Variants in CSMD2 observed in about 807,000 individuals in gnomAD.
CSMD2 encodes CUB and Sushi multiple domains 2.
In CSMD2, 130 loss-of-function variants were observed where a neutral mutation model predicts 398.5. That is an observed-to-expected ratio of 0.33 (90% CI 0.28 to 0.38). The LOEUF (loss-of-function observed/expected upper bound fraction) is 0.38, where lower values mean the gene tolerates loss of function less well. CSMD2 is among the 10% of genes least tolerant of loss of function. The pLI is 1.00. For missense variants in CSMD2, 3,829 were observed against 4,764.9 expected (o/e 0.80, Z 5.78); for synonymous variants, 1,828 against 1,908.5 (o/e 0.96, Z 1.10).
chr1:33,624,856 C>T lies in CSMD2; in HGVS notation c.5500+195G>A, dbSNP rs373520609. On this transcript the variant is annotated intron_variant, in intron 34 of 70. Coordinates refer to ENST00000373381, the MANE Select transcript of CSMD2 (RefSeq NM_001281956.2). The surrounding 1 kb of genome is among the most constrained non-coding windows in gnomAD (Gnocchi z 4.7). ...GCTCCTCTCTCCACGTGTGCCCCGT[C>T]CCCAGTACACCGGCTGTCTTCACAC... 3.3e-5 allele frequency among the ~76,000 whole-genome samples: 5 copies of T among 152,314 alleles called. No homozygotes were observed. The highest frequency in any genetic ancestry group is 7.2e-5 in the African/African-American group (3 of 41,572).
chr1:33,921,972 G>A lies in CSMD2; in HGVS notation c.713-3671C>T, dbSNP rs545660690. ...AGGGAGGAAAGAGAAGCAGCAGGAAGGGATTTAGGAGGCAGACTGTGGAGG... is the reference window on the plus strand; with the variant it reads ...AGGGAGGAAAGAGAAGCAGCAGGAAAGGATTTAGGAGGCAGACTGTGGAGG... On this transcript the variant is annotated intron_variant, in intron 4 of 70. Transcript: ENST00000373381. 3.9e-5 allele frequency among the ~76,000 whole-genome samples: 6 copies of A among 152,288 alleles called. No individual in the cohort carries two copies. The South Asian group carries it at 1.2e-3, about 32-fold the overall frequency.
chr1:33,764,556 C>T (rs923780080), intron 13 of CSMD2, among the ~76,000 whole-genome samples: 1 of 152,158 alleles, frequency 6.6e-6, no homozygotes, highest in African/African-American at 2.4e-5. Flanking sequence ...CCTAAGTTCC[C>T]TGTTTATTTT....
At chr1:33,628,271 A>G (rs1642248166) in intron 32 of CSMD2, among the ~76,000 whole-genome samples, 1 of 152,222 alleles carries the variant, frequency 6.6e-6, no homozygotes, top group South Asian at 2.1e-4. Flanking sequence ...TAAAGAGATT[A>G]AAATAACGAG....
intron 27 of CSMD2, among the ~76,000 whole-genome samples, 160 bp downstream of exon 27, chr1:33,657,786 A>G (rs561405296): frequency 6.6e-6 from 1 of 152,346 alleles, no homozygotes; most frequent in Non-Finnish European, 1.5e-5. Context: ...GTGTGGGGAC[A>G]CATGCATGCA....
intron 2 of CSMD2, among the ~76,000 whole-genome samples, chr1:34,083,661 A>G (rs1052403889): frequency 1.3e-5 from 2 of 152,224 alleles, no homozygotes; most frequent in Admixed American, 6.5e-5. Context: ...CATATCTGTA[A>G]TCCTAGCACT....
intron 25 of CSMD2, among the ~76,000 whole-genome samples, chr1:33,664,668 T>C (rs1248681199): frequency 6.6e-6 from 1 of 151,880 alleles, no homozygotes; most frequent in Admixed American, 6.6e-5. Flanking sequence ...CCGGGCGAGG[T>C]GGCGGGCGCC....
chr1:33,763,658 G>C (rs1256494134), intron 13 of CSMD2, among the ~76,000 whole-genome samples: 2 of 152,162 alleles, frequency 1.3e-5, no homozygotes, highest in Non-Finnish European at 2.9e-5. Flanking sequence ...CATCCCTTCA[G>C]TCTGCCTGAT....
intron 5 of CSMD2, among the ~76,000 whole-genome samples, chr1:33,850,818 A>G (rs10158780): frequency 0.83 from 125,534 of 151,916 alleles, 52,451 homozygotes; most frequent in African/African-American, 0.95. Flanking sequence ...CTGGCTTGGG[A>G]AGAATTAAAA....
At chr1:34,099,409 T>A (rs1172371821) in intron 1 of CSMD2, among the ~76,000 whole-genome samples, 1 of 148,662 alleles carries the variant, frequency 6.7e-6, no homozygotes, top group Non-Finnish European at 1.5e-5. Context: ...AGGGGCCACA[T>A]CTTAAGGGCC....
chr1:33,832,265 A>C (rs1340102761), intron 6 of CSMD2, among the ~76,000 whole-genome samples: 1 of 152,030 alleles, frequency 6.6e-6, no homozygotes, highest in East Asian at 1.9e-4. Context: ...GTTGGAAGTA[A>C]AGCACTCCTC....
At chr1:33,599,898 A>T (rs1640096469) in intron 44 of CSMD2, 2 of 474,892 alleles carry the variant, frequency 4.2e-6, no homozygotes, top group African/African-American at 3.9e-5. Flanking sequence ...CGCATGATGT[A>T]ATAACACTGT....
intron 5 of CSMD2, among the ~76,000 whole-genome samples, chr1:33,896,610 G>A (rs994288418): frequency 6.6e-6 from 1 of 152,130 alleles, no homozygotes; most frequent in African/African-American, 2.4e-5. Context: ...TGGAGCAACA[G>A]GGCTTTCAGG....
chr1:33,642,772 T>C (rs1643187028), intron 29 of CSMD2, among the ~76,000 whole-genome samples: 1 of 152,226 alleles, frequency 6.6e-6, no homozygotes, highest in Non-Finnish European at 1.5e-5. Context: ...GGTTTCTGTT[T>C]CTTGTGTTTT....
At chr1:33,813,156 A>T (rs1657049840) in intron 9 of CSMD2, 1 of 152,190 alleles carries the variant, frequency 6.6e-6, no homozygotes. Context: ...CAAGAATTAG[A>T]TGGTATATTT....
At chr1:34,091,705 T>C (rs555591541) in intron 1 of CSMD2, among the ~76,000 whole-genome samples, 20 of 152,326 alleles carry the variant, frequency 1.3e-4, no homozygotes, top group Admixed American at 3.3e-4. Context: ...TTCATAAAAT[T>C]AGGCATGTAA....
At chr1:33,952,692 ACACACACACATG>A (rs920213353) in intron 3 of CSMD2, among the ~76,000 whole-genome samples, 14 of 137,700 alleles carry the variant, frequency 1.0e-4, no homozygotes, top group African/African-American at 4.7e-4. Flanking sequence ...ACACACACAC[ACACACACACATG>A]CACACACACA....
At chr1:33,689,900 C>T (rs968882584) in intron 25 of CSMD2, among the ~76,000 whole-genome samples, 1 of 152,126 alleles carries the variant, frequency 6.6e-6, no homozygotes, top group Non-Finnish European at 1.5e-5. Context: ...GGTAGGTACG[C>T]GGGTACTTGG....
chr1:33,594,978 T>C (rs557610759), intron 44 of CSMD2, among the ~76,000 whole-genome samples: 1 of 152,308 alleles, frequency 6.6e-6, no homozygotes, highest in South Asian at 2.1e-4. Flanking sequence ...CCCCAGAATA[T>C]CTTAGTGTAT....
intron 2 of CSMD2, among the ~76,000 whole-genome samples, chr1:34,088,261 C>T (rs746778310): frequency 4.6e-5 from 7 of 152,234 alleles, no homozygotes; most frequent in African/African-American, 1.2e-4. Context: ...CGGGAAGCCA[C>T]GCTGACCTGA....
Sources: allele counts gnomAD v4.1 joint callset (sites outside exome capture counted in the v4.1 genomes callset), GRCh38; gene constraint gnomAD v4.1.1; non-coding constraint Gnocchi (gnomAD v3.1); transcripts MANE v1.5; gene names NCBI Gene and HGNC (gene_info 2026-07-23, HGNC 2026-07-21).